Variants in F13A1 observed in about 807,000 individuals in gnomAD.
F13A1 encodes coagulation factor XIII A chain.
F13A1 carries 47 observed loss-of-function variants against 80.1 expected under a neutral mutation model. The observed-to-expected ratio is 0.59, with a 90% CI of 0.46 to 0.75. F13A1 has a LOEUF of 0.75. F13A1 is among the 30% of genes least tolerant of loss of function. F13A1 has a pLI of 0.00. For synonymous variants in F13A1, 349 were observed against 344.9 expected (o/e 1.01, Z -0.13); for missense variants, 817 against 930.4 (o/e 0.88, Z 1.59).
intron 3 of F13A1, among the ~76,000 whole-genome samples, chr6:6,269,530 C>A (rs1274863671): frequency 6.6e-6 from 1 of 151,768 alleles, no homozygotes; most frequent in East Asian, 1.9e-4. Context: ...TTATTAGTAA[C>A]CAAAAGCCTT....
intron 11 of F13A1, among the ~76,000 whole-genome samples, chr6:6,176,982 G>A (rs1326358511): frequency 6.6e-6 from 1 of 152,212 alleles, no homozygotes; most frequent in Non-Finnish European, 1.5e-5. Flanking sequence ...GCAGGCTGGG[G>A]CTGTTCCAGG....
intron 2 of F13A1, among the ~76,000 whole-genome samples, chr6:6,309,852 C>T (rs149334124): frequency 1.2e-3 from 183 of 152,232 alleles, no homozygotes; most frequent in Admixed American, 2.3e-3. Flanking sequence ...TCTGGTACTC[C>T]TGGATTTGCC....
In F13A1 at chr6:6,185,436, T is replaced by C. The variant is rs1054126370; in HGVS notation, c.1306-3295A>G. Among the ~76,000 whole-genome samples, 4 of 127,992 alleles carry C rather than the reference T, an allele frequency of 3.1e-5. 1 individual carries two copies. The highest frequency in any genetic ancestry group is 1.0e-4 in the African/African-American group (4 of 38,322). 84.0% of individuals were successfully genotyped at this position (127,992 alleles called of 152,430 possible). On this transcript the variant is annotated intron_variant, in intron 10 of 14. Transcript: ENST00000264870. ...ACTGAGAATGATGATGTGATCTCAT[T>C]GTTCAATTCCCACCTATGAGTGAGA...
intron 3 of F13A1, among the ~76,000 whole-genome samples, chr6:6,268,488 T>TG (rs1757875519): frequency 6.6e-6 from 1 of 152,206 alleles, no homozygotes; most frequent in Admixed American, 6.5e-5. Context: ...GAAAATGTTT[T>TG]GGAGTTGATG....
intron 4 of F13A1, among the ~76,000 whole-genome samples, chr6:6,260,295 C>T (rs1033444921): frequency 6.6e-6 from 1 of 152,196 alleles, no homozygotes. Context: ...CTCAGGAGCA[C>T]AGCTGAGCAT....
rs1459972366 is a variant in F13A1 at position 6,156,893 on chromosome 6, T to G, written c.1909-4944A>C. On this transcript the variant is annotated intron_variant, in intron 13 of 14. Coordinates refer to ENST00000264870, the MANE Select transcript of F13A1 (RefSeq NM_000129.4). Reference sequence around the variant, plus strand: ...GCTACTGCATTGGATGGAGCAGATTTAAAATGTTCCCATTACCCTAGAAAG... The same window carrying G: ...GCTACTGCATTGGATGGAGCAGATTGAAAATGTTCCCATTACCCTAGAAAG... Among the ~76,000 whole-genome samples, 16 of 152,348 alleles carry G rather than the reference T, an allele frequency of 1.1e-4. No homozygotes were observed. The East Asian group carries it at 3.1e-3, about 29-fold the overall frequency.
At chr6:6,174,501 G>A in intron 12 of F13A1, 79 bp downstream of exon 12, 5 of 1,477,130 alleles carry the variant, frequency 3.4e-6, no homozygotes, top group Non-Finnish European at 4.7e-6. Context: ...TTGATATAAA[G>A]CTATAACGGG....
chr6:6,318,740 T>A, intron 1 of F13A1, 58 bp from the exon 2 acceptor site: 4 of 1,558,534 alleles, frequency 2.6e-6, no homozygotes, highest in Non-Finnish European at 3.5e-6. Flanking sequence ...GAGTAACATT[T>A]GAGACAAGGA....
chr6:6,243,329 GTCACCACCACCA>G lies in F13A1; in HGVS notation c.798+4971_798+4982del, dbSNP rs1468860809. On this transcript the variant is annotated intron_variant, in intron 6 of 14. Transcript: ENST00000264870. The surrounding 1 kb of genome is among the most constrained non-coding windows in gnomAD (Gnocchi z 4.2). ...TATCACAATCACTATCACCACCACC[GTCACCACCACCA>G]TCATCACTAACTCTATCACCACCAC... Among the ~76,000 whole-genome samples the G allele has an allele frequency of 6.8e-6, 1 of 147,490 alleles. No individual in the cohort carries two copies. The highest frequency in any genetic ancestry group is 1.5e-5 in the Non-Finnish European group (1 of 66,582).
At chr6:6,293,998 TAAGTATA>T (rs1421128884) in intron 3 of F13A1, among the ~76,000 whole-genome samples, 1 of 152,132 alleles carries the variant, frequency 6.6e-6, no homozygotes, top group Non-Finnish European at 1.5e-5. Context: ...TGGAAGCAAC[TAAGTATA>T]AAGTTATTTT....
At chr6:6,280,111 T>C (rs1758040368) in intron 3 of F13A1, among the ~76,000 whole-genome samples, 1 of 152,224 alleles carries the variant, frequency 6.6e-6, no homozygotes, top group African/African-American at 2.4e-5. Flanking sequence ...ACAGTCCATC[T>C]AGTATTAACC....
intron 6 of F13A1, among the ~76,000 whole-genome samples, chr6:6,233,705 T>C (rs762458258): frequency 2.0e-5 from 3 of 152,092 alleles, no homozygotes; most frequent in Non-Finnish European, 4.4e-5. Flanking sequence ...TTTCACAAAA[T>C]ACTAGCTAAC....
At chr6:6,308,066 T>G (rs936636052) in intron 2 of F13A1, among the ~76,000 whole-genome samples, 2 of 151,968 alleles carry the variant, frequency 1.3e-5, no homozygotes, top group African/African-American at 2.4e-5. Flanking sequence ...CAGACTGGAG[T>G]GCAGTGGCGC....
At chr6:6,271,026 C>T (rs900230045) in intron 3 of F13A1, among the ~76,000 whole-genome samples, 1 of 151,742 alleles carries the variant, frequency 6.6e-6, no homozygotes, top group Admixed American at 6.6e-5. Flanking sequence ...CCTGCTGATA[C>T]GCTGATGCCA....
At chr6:6,308,606 CTTTTTT>C (rs770570204) in intron 2 of F13A1, among the ~76,000 whole-genome samples, 4 of 88,852 alleles carry the variant, frequency 4.5e-5, no homozygotes, top group Admixed American at 1.5e-4. Flanking sequence ...AAAACACATT[CTTTTTT>C]TTTTTTTTTT....
intron 10 of F13A1, among the ~76,000 whole-genome samples, chr6:6,184,264 G>A (rs1245835273): frequency 6.6e-6 from 1 of 152,376 alleles, no homozygotes; most frequent in South Asian, 2.1e-4. Context: ...GCTAGGAGCT[G>A]CTGGAGAAGC....
At chr6:6,299,255 T>C (rs1320580449) in intron 3 of F13A1, among the ~76,000 whole-genome samples, 2 of 112,204 alleles carry the variant, frequency 1.8e-5, no homozygotes, top group African/African-American at 1.0e-4. Flanking sequence ...AGGAGTATCT[T>C]TGTGGCGTTC....
chr6:6,312,595 T>G (rs1276938973), intron 2 of F13A1, among the ~76,000 whole-genome samples: 2 of 141,440 alleles, frequency 1.4e-5, no homozygotes, highest in Admixed American at 1.4e-4. Flanking sequence ...GGAGAACCGC[T>G]TGAACCCGGG....
At chr6:6,248,834 A>C (rs2295752) in intron 5 of F13A1, among the ~76,000 whole-genome samples, 109,930 of 152,104 alleles carry the variant, frequency 0.72, 40,607 homozygotes, top group African/African-American at 0.88. Flanking sequence ...TCGTGCATTT[A>C]GAAAATAAAG....
Sources: gnomAD v4.1 joint callset for allele counts (sites outside exome capture counted in the v4.1 genomes callset) on GRCh38, gnomAD v4.1.1 for gene constraint, Gnocchi (gnomAD v3.1) non-coding constraint, MANE v1.5 for transcripts, NCBI Gene and HGNC (gene_info 2026-07-23, HGNC 2026-07-21) for gene names.